The following GPSM1 variants were observed in gnomAD, a reference collection of about 807,000 sequenced individuals.
GPSM1 encodes G protein signaling modulator 1.
GPSM1 carries 48 observed loss-of-function variants against 70.5 expected under a neutral mutation model. That is an observed-to-expected ratio of 0.68 (90% CI 0.54 to 0.87). The LOEUF (loss-of-function observed/expected upper bound fraction) is 0.87, where lower values mean the gene tolerates loss of function less well. Ranked by LOEUF, GPSM1 falls within the 40% of genes least tolerant of loss-of-function variation. GPSM1 has a pLI of 0.00. For missense variants in GPSM1, 981 were observed against 972.6 expected (o/e 1.01, Z -0.11); for synonymous variants, 416 against 430.1 (o/e 0.97, Z 0.41).
At chr9:136,338,322 G>A (rs143338337) in intron 6 of GPSM1, among the ~76,000 whole-genome samples, 2 of 152,322 alleles carry the variant, frequency 1.3e-5, no homozygotes, top group South Asian at 2.1e-4. Context: ...GAGGAGTGGT[G>A]GCGGCTCAGG....
rs201731522 is a variant in GPSM1 at position 136,338,723 on chromosome 9, G to A, written c.974+13G>A. On this transcript the variant is annotated intron_variant, in intron 7 of 13. Transcript: ENST00000440944. ...AGCTGGCCGACAGGTGCGTGGGCGC[G>A]GACGCGGCGGGCAGACCCGGCCCGG... The A allele has an allele frequency of 1.0e-4, 156 of 1,536,886 alleles. 1 individual carries two copies. The Admixed American group carries it at 1.7e-3, about 17-fold the overall frequency.
chr9:136,355,809 C>T lies in GPSM1; in HGVS notation c.1575C>T (p.Ala525=), dbSNP rs368172740. ...CPLDDGQAGA[A]EATAAPTLED... is the part of the protein sequence containing the mutation. ...TGGACGATGGCCAGGCCGGGGCTGC[C>T]GAGGCCACGGCCGCCCCCACCCTGG... Residue 525 remains alanine, a synonymous_variant, in exon 12 of 14, where the codon GCC becomes GCT. Coordinates refer to ENST00000440944, the MANE Select transcript of GPSM1 (RefSeq NM_001145638.3). 1.1e-4 allele frequency: 171 copies of T among 1,611,374 alleles called. 1 individual carries two copies. Among genetic ancestry groups the T allele is most frequent in the Admixed American group, 9.0e-4 (54 of 59,902 alleles).
intron 9 of GPSM1, among the ~76,000 whole-genome samples, chr9:136,344,254 C>G (rs1312434458): frequency 7.0e-6 from 1 of 143,144 alleles, no homozygotes; most frequent in Middle Eastern, 3.6e-3. Context: ...CAGACAGGAG[C>G]AGGGGAGGCG....
chr9:136,333,531 G>A (rs1210199059), intron 1 of GPSM1, among the ~76,000 whole-genome samples: 1 of 152,228 alleles, frequency 6.6e-6, no homozygotes, highest in Non-Finnish European at 1.5e-5. Context: ...GGTGCTTGGG[G>A]GTTGTGCAGG....
intron 12 of GPSM1, 70 bp downstream of exon 12, chr9:136,355,916 T>C: frequency 7.5e-7 from 1 of 1,331,366 alleles, no homozygotes; most frequent in Non-Finnish European, 1.0e-6. Context: ...GCTCCCGTCC[T>C]GCTTCCAGTG....
chr9:136,357,762 G>C (rs1158262918), intron 13 of GPSM1, among the ~76,000 whole-genome samples: 2 of 152,234 alleles, frequency 1.3e-5, no homozygotes, highest in African/African-American at 4.8e-5. Flanking sequence ...GGAATCGCTG[G>C]ACCTGCTTTT....
Position 136,337,551 on chromosome 9 carries a change from C to A in GPSM1, c.689C>A (p.Thr230Asn). 6.4e-7 allele frequency: 1 copy of A among 1,557,248 alleles called. No homozygotes were observed. The highest frequency in any genetic ancestry group is 8.7e-7 in the Non-Finnish European group (1 of 1,150,534). The change falls in exon 5 of 14, where the codon ACC (threonine) becomes AAC (asparagine). Residue 230 changes from threonine to asparagine, a missense_variant. Physicochemically the swap from Thr to Asn is moderately conservative, Grantham distance 65 (BLOSUM62 0). Transcript: ENST00000440944. ...YLLGNFTEAT[T>N]FHKERLAIAK... ...TTGGGGAACTTCACAGAGGCCACGA[C>A]CTTCCACAAGGAGGTGAGCCGGGCA...
chr9:136,338,235 C>T (rs1033462205), intron 6 of GPSM1, among the ~76,000 whole-genome samples: 5 of 152,228 alleles, frequency 3.3e-5, no homozygotes, highest in South Asian at 4.1e-4. Context: ...GCTGTCAGCA[C>T]GGGGTCCTGT....
chr9:136,336,275 A>G (rs921648704), intron 3 of GPSM1, among the ~76,000 whole-genome samples, 174 bp downstream of exon 3: 115 of 151,510 alleles, frequency 7.6e-4, no homozygotes, highest in East Asian at 5.9e-4. Flanking sequence ...CCCCCAAAAC[A>G]GGCCCCCCCA....
chr9:136,359,505 T>C lies in GPSM1; in HGVS notation c.*1285T>C, dbSNP rs1055203106. ...TACTTGAATGTATGTGCGTATTTAT[T>C]GCTCACGTCTGTGCCATGTTGTCAA... On this transcript the variant is annotated 3_prime_UTR_variant, in exon 14 of 14. Transcript: ENST00000440944. 6.6e-6 allele frequency: 1 copy of C among 152,342 alleles called. No homozygotes were observed. Among genetic ancestry groups the C allele is most frequent in the Non-Finnish European group, 1.5e-5 (1 of 68,030 alleles). The allele number at this position is 152,342 out of a possible 1,614,324, so 9.4% of individuals were successfully genotyped here. A position where few individuals can be genotyped will look rare whatever the true frequency, so the allele number is the denominator to read the frequency against.
At position 136,337,019 on chromosome 9, in the gene GPSM1, G is replaced by A; in HGVS notation, c.525G>A (p.Gly175=). The A allele has an allele frequency of 6.4e-7, 1 of 1,552,108 alleles. No individual in the cohort carries two copies. The highest frequency in any genetic ancestry group is 1.2e-5 in the South Asian group (1 of 84,132). Residue 175 remains glycine (G), a synonymous_variant, in exon 4 of 14, where the codon GGG becomes GGA. Transcript: ENST00000440944. Reference sequence around the variant, plus strand: ...CCGCAAACGCCACGCAGGACCCCGGGCACCTGCCGCCCGATGTCCGAGAGA... The same window carrying A: ...CCGCAAACGCCACGCAGGACCCCGGACACCTGCCGCCCGATGTCCGAGAGA... ...WNAANATQDP[G]HLPPDVRETL...
intron 11 of GPSM1, chr9:136,352,922 C>T (rs560298703): frequency 2.8e-3 from 472 of 168,712 alleles, no homozygotes; most frequent in Non-Finnish European, 4.6e-3. Context: ...AGCCCACGTG[C>T]GTGTGTGTGA....
intron 11 of GPSM1, among the ~76,000 whole-genome samples, chr9:136,354,408 T>G (rs1321361607): frequency 6.6e-6 from 1 of 152,082 alleles, no homozygotes; most frequent in Non-Finnish European, 1.5e-5. Context: ...TCCTGGGCTG[T>G]GGGGGTCAGG....
intron 11 of GPSM1, chr9:136,353,156 G>GT: frequency 9.2e-6 from 9 of 975,166 alleles, no homozygotes; most frequent in Non-Finnish European, 1.1e-5. Context: ...TGTGATCCGC[G>GT]TGAGTCTGGG....
intron 1 of GPSM1, among the ~76,000 whole-genome samples, chr9:136,329,791 C>A (rs1347252195): frequency 6.6e-6 from 1 of 152,134 alleles, no homozygotes; most frequent in Non-Finnish European, 1.5e-5. Flanking sequence ...GCCCTGGGTG[C>A]TGGGTCGGTG....
At chr9:136,355,554 G>A (rs1588709641) in intron 11 of GPSM1, 136 bp from the exon 12 acceptor site, 1 of 713,012 alleles carries the variant, frequency 1.4e-6, no homozygotes, top group South Asian at 1.9e-5. Flanking sequence ...GGGAGGGGTA[G>A]CCGACAGGGG....
chr9:136,353,141 C>A, intron 11 of GPSM1: 7 of 983,330 alleles, frequency 7.1e-6, no homozygotes, highest in Non-Finnish European at 8.5e-6. Context: ...GCTGTGGAGA[C>A]AGCCTGTGAT....
Position 136,337,080 on chromosome 9 carries a change from G to A in GPSM1, c.578+8G>A, listed in dbSNP as rs1456181135. ...GGCCTCCGAGTTCTACGAGTGAGTGGGGCAGGGCCAGCCCAGGGACCGGGG... is the reference window on the plus strand; with the variant it reads ...GGCCTCCGAGTTCTACGAGTGAGTGAGGCAGGGCCAGCCCAGGGACCGGGG... On this transcript the variant is annotated splice_region_variant and intron_variant, in intron 4 of 13. Coordinates refer to ENST00000440944, the MANE Select transcript of GPSM1 (RefSeq NM_001145638.3). The A allele has an allele frequency of 1.3e-6, 2 of 1,548,560 alleles. No homozygotes were observed. Among genetic ancestry groups the A allele is most frequent in the Admixed American group, 4.0e-5 (2 of 50,520 alleles).
At chr9:136,356,245 G>A (rs1832818594) in intron 12 of GPSM1, 97 bp from the exon 13 acceptor site, 3 of 940,066 alleles carry the variant, frequency 3.2e-6, no homozygotes, top group South Asian at 1.8e-5. Context: ...CAGTGGGCTG[G>A]GCTGGGCTCA....
Sources: gnomAD v4.1 joint callset for allele counts (sites outside exome capture counted in the v4.1 genomes callset) on GRCh38, gnomAD v4.1.1 for gene constraint, MANE v1.5 for transcripts, NCBI Gene and HGNC (gene_info 2026-07-23, HGNC 2026-07-21) for gene names.